Variants in DAB1 observed in about 807,000 individuals in gnomAD.
The protein encoded by DAB1 is disabled homolog 1.
DAB1 carries 15 observed loss-of-function variants against 64.6 expected under a neutral mutation model. That is an observed-to-expected ratio of 0.23 (90% CI 0.16 to 0.36). The LOEUF (loss-of-function observed/expected upper bound fraction) is 0.36, where lower values mean the gene tolerates loss of function less well. DAB1 is among the 10% of genes least tolerant of loss of function. The pLI, the probability that DAB1 is intolerant of heterozygous loss-of-function variation, is 1.00. For synonymous variants in DAB1, 235 were observed against 251.9 expected (o/e 0.93, Z 0.64); for missense variants, 596 against 706.7 (o/e 0.84, Z 1.78).
chr1:57,266,368 A>C (rs1670590252), intron 2 of DAB1, among the ~76,000 whole-genome samples: 3 of 152,088 alleles, frequency 2.0e-5, no homozygotes, highest in Non-Finnish European at 4.4e-5. Context: ...TGAATTTCTC[A>C]TCATTCCTCC....
intron 3 of DAB1, among the ~76,000 whole-genome samples, chr1:58,479,066 T>C (rs2100343800): frequency 6.6e-6 from 1 of 152,348 alleles, no homozygotes; most frequent in South Asian, 2.1e-4. Context: ...ATATTATCTC[T>C]GCTCTTTCTG....
intron 4 of DAB1, among the ~76,000 whole-genome samples, chr1:58,215,940 T>C (rs925700438): frequency 6.6e-6 from 1 of 152,150 alleles, no homozygotes; most frequent in African/African-American, 2.4e-5. Context: ...CTGCAGCAAC[T>C]CTAACCTGCT....
intron 7 of DAB1, among the ~76,000 whole-genome samples, chr1:57,619,315 G>A (rs1019490768): frequency 1.3e-5 from 2 of 152,162 alleles, no homozygotes; most frequent in African/African-American, 4.8e-5. Flanking sequence ...CTTTTATGGA[G>A]CACCTGGTAC....
At chr1:58,167,217 T>C (rs910943007) in intron 4 of DAB1, among the ~76,000 whole-genome samples, 2 of 152,220 alleles carry the variant, frequency 1.3e-5, no homozygotes, top group African/African-American at 4.8e-5. Context: ...AACTTTTGTG[T>C]CTAGCTAAAG....
chr1:58,191,828 G>A (rs1229603350), intron 4 of DAB1, among the ~76,000 whole-genome samples: 1 of 152,182 alleles, frequency 6.6e-6, no homozygotes, highest in African/African-American at 2.4e-5. Context: ...CTGGTACACA[G>A]AAGGACCTCA....
At chr1:58,030,566 A>G (rs1646957432) in intron 5 of DAB1, among the ~76,000 whole-genome samples, 1 of 152,178 alleles carries the variant, frequency 6.6e-6, no homozygotes, top group African/African-American at 2.4e-5. Context: ...GATTTTTCAA[A>G]TCACTTATTA....
At chr1:57,848,829 G>A (rs1031112915) in intron 1 of DAB1, among the ~76,000 whole-genome samples, 1 of 152,168 alleles carries the variant, frequency 6.6e-6, no homozygotes, top group Non-Finnish European at 1.5e-5. Context: ...GTAATGGGGA[G>A]CAGCTACATG....
At chr1:57,286,180 T>G (rs959246006) in intron 2 of DAB1, among the ~76,000 whole-genome samples, 1 of 152,224 alleles carries the variant, frequency 6.6e-6, no homozygotes, top group Non-Finnish European at 1.5e-5. Flanking sequence ...TGACTTGTAT[T>G]TGAAACCGTC....
chr1:57,623,036 T>C (rs1167626950), intron 7 of DAB1, among the ~76,000 whole-genome samples: 1 of 152,230 alleles, frequency 6.6e-6, no homozygotes, highest in Non-Finnish European at 1.5e-5. Flanking sequence ...TTAGTCTTCA[T>C]AATAAATTTA....
intron 7 of DAB1, among the ~76,000 whole-genome samples, chr1:57,487,284 G>C (rs142564673): frequency 6.6e-6 from 1 of 152,306 alleles, no homozygotes; most frequent in Non-Finnish European, 1.5e-5. Context: ...CCAGCTTTTG[G>C]TGGTCTTCCT....
At chr1:58,526,897 A>G (rs1422631377) in intron 2 of DAB1, among the ~76,000 whole-genome samples, 1 of 152,166 alleles carries the variant, frequency 6.6e-6, no homozygotes, top group Non-Finnish European at 1.5e-5. Flanking sequence ...CACATTACAT[A>G]ACCAAATGTT....
intron 3 of DAB1, among the ~76,000 whole-genome samples, chr1:58,427,092 TGGTGGAGTAG>T (rs912254341): frequency 2.0e-5 from 3 of 151,904 alleles, no homozygotes; most frequent in African/African-American, 7.3e-5. Context: ...ACATGGAGTG[TGGTGGAGTAG>T]GGTGGAGTAG....
chr1:58,004,759 A>T (rs1011898761), intron 5 of DAB1, among the ~76,000 whole-genome samples: 4 of 152,160 alleles, frequency 2.6e-5, no homozygotes, highest in African/African-American at 9.7e-5. Context: ...TGATCATTGC[A>T]TGACGTGTTT....
At chr1:57,103,467 C>T (rs566986147) in intron 4 of DAB1, among the ~76,000 whole-genome samples, 2 of 152,300 alleles carry the variant, frequency 1.3e-5, no homozygotes, top group Admixed American at 1.3e-4. Context: ...GACTAATCAT[C>T]TACTGTGGAC....
At chr1:57,758,100 GAAT>G (rs1342993223) in intron 6 of DAB1, among the ~76,000 whole-genome samples, 1 of 152,116 alleles carries the variant, frequency 6.6e-6, no homozygotes, top group Admixed American at 6.6e-5. Flanking sequence ...TGTCAAATGG[GAAT>G]AATAATTTTT....
intron 7 of DAB1, among the ~76,000 whole-genome samples, chr1:57,460,717 G>T (rs912750726): frequency 6.6e-6 from 1 of 151,956 alleles, no homozygotes; most frequent in Non-Finnish European, 1.5e-5. Flanking sequence ...AGCTACAGAG[G>T]CCCCTTCATT....
At chr1:57,929,893 G>A (rs978778137) in intron 5 of DAB1, among the ~76,000 whole-genome samples, 2 of 152,106 alleles carry the variant, frequency 1.3e-5, no homozygotes, top group African/African-American at 4.8e-5. Context: ...CCATTCATGA[G>A]GGATCCACCC....
chr1:57,765,358 C>A (rs1649263779), intron 6 of DAB1, among the ~76,000 whole-genome samples: 2 of 152,116 alleles, frequency 1.3e-5, no homozygotes, highest in Non-Finnish European at 2.9e-5. Flanking sequence ...ATCTGTGACT[C>A]CAACATTTCA....
chr1:57,899,009 A>G (rs1162944186), intron 5 of DAB1, among the ~76,000 whole-genome samples: 2 of 145,972 alleles, frequency 1.4e-5, no homozygotes, highest in East Asian at 1.9e-4. Context: ...GACTGGGAAT[A>G]AGAATGCAGC....
Sources: allele counts gnomAD v4.1 joint callset (sites outside exome capture counted in the v4.1 genomes callset), GRCh38; gene constraint gnomAD v4.1.1; transcripts MANE v1.5; gene names NCBI Gene and HGNC (gene_info 2026-07-23, HGNC 2026-07-21).